The following TNR variants were observed in gnomAD, a reference collection of about 807,000 sequenced individuals.
TNR encodes the protein tenascin-R.
Under a neutral mutation model 150.4 loss-of-function variants are expected in TNR, and 45 were observed. The observed-to-expected ratio is 0.30, with a 90% confidence interval of 0.24 to 0.38. The LOEUF (loss-of-function observed/expected upper bound fraction) is 0.38, where lower values mean the gene tolerates loss of function less well. Ranked by LOEUF, TNR falls within the 10% of genes least tolerant of loss-of-function variation. The probability of loss-of-function intolerance (pLI) is 1.00; values close to 1 mark genes in which losing one functional copy is unlikely to be tolerated. For synonymous variants in TNR, 687 were observed against 678.4 expected, an observed-to-expected ratio of 1.01 and a Z score of -0.20; for missense variants, 1,544 against 1,759.1, an observed-to-expected ratio of 0.88 and a Z score of 2.19.
chr1:175,530,120 G>A (rs2102178283), intron 1 of TNR, among the ~76,000 whole-genome samples: 1 of 152,090 alleles, frequency 6.6e-6, no homozygotes, highest in African/African-American at 2.4e-5. Context: ...TCCCAATCTC[G>A]GTTCCTTAAG....
At chr1:175,699,125 C>G (rs1666613635) in intron 1 of TNR, among the ~76,000 whole-genome samples, 1 of 151,964 alleles carries the variant, frequency 6.6e-6, no homozygotes, top group South Asian at 2.1e-4. Flanking sequence ...GAAGGTGGAG[C>G]CAGCAGGGTT....
chr1:175,337,669 C>T lies in TNR; in HGVS notation c.3393G>A (p.Val1131=). ...TSTAFTTGGR[V]FPHPQDCAQH... ...GGGCACAGTCTTGGGGATGAGGGAA[C>T]ACCCGGCCTCCTGCAAGGAAAATAG... Residue 1131 remains valine (V), a synonymous_variant, in exon 19 of 23, where the codon GTG becomes GTA. Transcript: ENST00000367674. The T allele has an allele frequency of 6.2e-7, 1 of 1,614,188 alleles. No homozygotes were observed. The highest frequency in any genetic ancestry group is 1.1e-5 in the South Asian group (1 of 91,082).
intron 1 of TNR, among the ~76,000 whole-genome samples, chr1:175,570,901 G>C (rs998655092): frequency 3.9e-5 from 6 of 152,118 alleles, no homozygotes; most frequent in Non-Finnish European, 8.8e-5. Context: ...GAATCTCCAG[G>C]TTTTTTCATT....
At chr1:175,420,727 G>A (rs1465514549) in intron 2 of TNR, among the ~76,000 whole-genome samples, 1 of 152,106 alleles carries the variant, frequency 6.6e-6, no homozygotes, top group Non-Finnish European at 1.5e-5. Context: ...CATGTAAGGT[G>A]GGCGTATTGC....
At chr1:175,379,031 T>C (rs1652538753) in intron 9 of TNR, among the ~76,000 whole-genome samples, 1 of 151,862 alleles carries the variant, frequency 6.6e-6, no homozygotes, top group African/African-American at 2.4e-5. Flanking sequence ...AACACAAAAT[T>C]AGCCGGGCGT....
chr1:175,479,653 C>T (rs558010717), intron 2 of TNR, among the ~76,000 whole-genome samples: 52 of 152,252 alleles, frequency 3.4e-4, no homozygotes, highest in African/African-American at 6.0e-4. Flanking sequence ...ACTGCCTTGA[C>T]GTCAAGCTAA....
intron 2 of TNR, among the ~76,000 whole-genome samples, chr1:175,445,449 T>C (rs891231053): frequency 6.6e-5 from 10 of 152,080 alleles, no homozygotes; most frequent in Non-Finnish European, 1.5e-4. Flanking sequence ...GATTTTTTTT[T>C]CCATTTCTTG....
chr1:175,596,284 TGAG>T (rs755212541), intron 1 of TNR, among the ~76,000 whole-genome samples: 2 of 152,196 alleles, frequency 1.3e-5, no homozygotes, highest in Non-Finnish European at 2.9e-5. Flanking sequence ...GAGCTGGAGC[TGAG>T]GAGTGGAGGG....
intron 2 of TNR, among the ~76,000 whole-genome samples, chr1:175,469,350 C>T (rs1167238566): frequency 6.6e-6 from 1 of 152,118 alleles, no homozygotes; most frequent in Non-Finnish European, 1.5e-5. Context: ...AAGAATGCAC[C>T]CACTGCCCTC....
chr1:175,727,506 G>A (rs186874622), intron 1 of TNR, among the ~76,000 whole-genome samples: 20 of 152,330 alleles, frequency 1.3e-4, no homozygotes, highest in African/African-American at 4.6e-4. Context: ...GTAGATGGGA[G>A]CTGAGAAATA....
chr1:175,367,695 T>C (rs950893371), intron 9 of TNR, among the ~76,000 whole-genome samples: 1 of 152,178 alleles, frequency 6.6e-6, no homozygotes, highest in African/African-American at 2.4e-5. Flanking sequence ...AGTGTGGACA[T>C]AGACCTGAAA....
Position 175,379,756 on chromosome 1 carries a change from C to T in TNR, c.1778-19G>A, listed in dbSNP as rs1472655331. 1 of 1,612,970 alleles carries T rather than the reference C, an allele frequency of 6.2e-7. No individual in the cohort carries two copies. Among genetic ancestry groups the T allele is most frequent in the East Asian group, 2.2e-5 (1 of 44,884 alleles). Reference sequence around the variant, plus strand: ...TCGATCTCTAAAAATAGACAGACATCACCAACATCGCACATGATAATGTAA... The same window carrying T: ...TCGATCTCTAAAAATAGACAGACATTACCAACATCGCACATGATAATGTAA... On this transcript the variant is annotated intron_variant, in intron 8 of 22. Coordinates refer to ENST00000367674, the MANE Select transcript of TNR (RefSeq NM_003285.3).
At chr1:175,721,088 T>A (rs1409228786) in intron 1 of TNR, among the ~76,000 whole-genome samples, 1 of 152,194 alleles carries the variant, frequency 6.6e-6, no homozygotes, top group East Asian at 1.9e-4. Flanking sequence ...CTTTCTGTTT[T>A]CTTCAGATGA....
At chr1:175,479,607 A>G (rs1657690790) in intron 2 of TNR, among the ~76,000 whole-genome samples, 1 of 152,192 alleles carries the variant, frequency 6.6e-6, no homozygotes, top group South Asian at 2.1e-4. Flanking sequence ...CGTGGCAGCC[A>G]GAGTTCTGAG....
chr1:175,641,537 G>A (rs1664659953), intron 1 of TNR, among the ~76,000 whole-genome samples: 1 of 152,176 alleles, frequency 6.6e-6, no homozygotes, highest in Non-Finnish European at 1.5e-5. Context: ...GGATGGAATG[G>A]CTCATGGGGC....
intron 2 of TNR, among the ~76,000 whole-genome samples, chr1:175,439,116 G>A (rs553518882): frequency 2.0e-5 from 3 of 151,992 alleles, no homozygotes; most frequent in Non-Finnish European, 4.4e-5. Flanking sequence ...GCTATCTGAC[G>A]TCAAACTATA....
At chr1:175,590,226 G>A (rs1662745639) in intron 1 of TNR, among the ~76,000 whole-genome samples, 1 of 152,118 alleles carries the variant, frequency 6.6e-6, no homozygotes, top group South Asian at 2.1e-4. Context: ...TTGCTTACCT[G>A]TAGTAGTCAT....
intron 9 of TNR, among the ~76,000 whole-genome samples, chr1:175,377,212 C>T (rs887728833): frequency 1.3e-5 from 2 of 152,122 alleles, no homozygotes; most frequent in East Asian, 3.9e-4. Flanking sequence ...ATTAAAGAAG[C>T]TATAACTGTA....
chr1:175,342,740 C>T (rs1265473008), intron 18 of TNR, among the ~76,000 whole-genome samples: 1 of 152,192 alleles, frequency 6.6e-6, no homozygotes, highest in South Asian at 2.1e-4. Context: ...AACAGAGTTC[C>T]GGAAGAAGGT....
Sources: allele counts gnomAD v4.1 joint callset (sites outside exome capture counted in the v4.1 genomes callset), GRCh38; gene constraint gnomAD v4.1.1; transcripts MANE v1.5; gene names NCBI Gene and HGNC (gene_info 2026-07-23, HGNC 2026-07-21).